SNTB2: variants seen among roughly 807,000 people sequenced by gnomAD.
SNTB2 encodes the protein syntrophin beta 2.
Under a neutral mutation model 46.2 loss-of-function variants are expected in SNTB2, and 34 were observed. That is an observed-to-expected ratio of 0.74 (90% confidence interval 0.56 to 0.98). SNTB2 has a LOEUF of 0.98. Among genes scored for constraint, SNTB2 ranks in the 50% least tolerant of loss-of-function variants. The probability of loss-of-function intolerance (pLI) is 0.00; values close to 1 mark genes in which losing one functional copy is unlikely to be tolerated. For missense variants in SNTB2, 603 were observed against 731.4 expected (o/e 0.82, Z 2.02); for synonymous variants, 290 against 312.6 (o/e 0.93, Z 0.76).
At chr16:69,251,386 G>C (rs1436846512) in intron 2 of SNTB2, among the ~76,000 whole-genome samples, 1 of 142,114 alleles carries the variant, frequency 7.0e-6, no homozygotes, top group Non-Finnish European at 1.5e-5. Context: ...TTTTTCTTCT[G>C]ATTTAAAGGC....
chr16:69,284,947 G>C (rs1965088082), intron 5 of SNTB2, among the ~76,000 whole-genome samples: 1 of 152,254 alleles, frequency 6.6e-6, no homozygotes, highest in Non-Finnish European at 1.5e-5. Context: ...TTGTGTTACA[G>C]CTGGCTACAG....
At chr16:69,207,610 C>T (rs1964237047) in intron 1 of SNTB2, among the ~76,000 whole-genome samples, 1 of 152,154 alleles carries the variant, frequency 6.6e-6, no homozygotes, top group Non-Finnish European at 1.5e-5. Context: ...TACATACCTT[C>T]AGAAAAGTGC....
intron 1 of SNTB2, among the ~76,000 whole-genome samples, chr16:69,239,719 T>A (rs2088756): frequency 0.33 from 50,248 of 151,764 alleles, 8,884 homozygotes; most frequent in African/African-American, 0.44. Context: ...TAATTTTTGT[T>A]TTTTTAGCAG....
chr16:69,270,321 A>T (rs1964925627), intron 4 of SNTB2, 36 bp downstream of exon 4: 2 of 1,611,266 alleles, frequency 1.2e-6, no homozygotes, highest in Non-Finnish European at 1.7e-6. Flanking sequence ...TAAAATATTT[A>T]TCCTACTCTA....
chr16:69,272,833 T>C (rs1964951113), intron 4 of SNTB2, among the ~76,000 whole-genome samples: 1 of 139,692 alleles, frequency 7.2e-6, no homozygotes, highest in Non-Finnish European at 1.5e-5. Context: ...GAGGTTGCAG[T>C]GAACTGATAT....
At position 69,248,631 on chromosome 16, in the gene SNTB2, C is replaced by CAAATA. The variant is rs534168979; in HGVS notation, c.794+2834_794+2838dup. On this transcript the variant is annotated intron_variant, in intron 2 of 6. Coordinates refer to ENST00000336278, the MANE Select transcript of SNTB2 (RefSeq NM_006750.4). Reference sequence around the variant, plus strand: ...TGGGTGACAGAACGAGACTCTGTCTCAAATAAAATAAAATAAAATAAATAA... The same window carrying CAAATA: ...TGGGTGACAGAACGAGACTCTGTCTCAAATAAAATAAAATAAAATAAAATAAATAA... Among the ~76,000 whole-genome samples, 540 of 152,034 alleles carry CAAATA rather than the reference C, an allele frequency of 3.6e-3. 4 individuals are homozygous for CAAATA. The highest frequency in any genetic ancestry group is 0.011 in the African/African-American group (445 of 41,444).
In SNTB2 at chr16:69,300,932, A is replaced by C. The variant is rs1965272846; in HGVS notation, c.*8A>C. The C allele has an allele frequency of 6.4e-7, 1 of 1,567,306 alleles. No homozygotes were observed. The highest frequency in any genetic ancestry group is 1.7e-5 in the Admixed American group (1 of 59,292). ...ATGGGACTGCTTGTATGAGCAACAA[A>C]AAATCAGAAAAGAGCCTTGACTGTC... On this transcript the variant is annotated 3_prime_UTR_variant, in exon 7 of 7. Coordinates refer to ENST00000336278, the MANE Select transcript of SNTB2 (RefSeq NM_006750.4).
intron 1 of SNTB2, among the ~76,000 whole-genome samples, chr16:69,206,494 C>A (rs1046688797): frequency 6.6e-6 from 1 of 151,800 alleles, no homozygotes; most frequent in Non-Finnish European, 1.5e-5. Context: ...GAGTTCGAGA[C>A]CAGCCTGACC....
At position 69,223,341 on chromosome 16, in the gene SNTB2, C is replaced by T. The variant is rs778369471; in HGVS notation, c.581-22261C>T. ...CCAAGTAGCTGAGATTACAGGCGCC[C>T]CAGCCACCACGCCTGGCTAATTTTT... On this transcript the variant is annotated intron_variant, in intron 1 of 6. Coordinates refer to ENST00000336278, the MANE Select transcript of SNTB2 (RefSeq NM_006750.4). Among the ~76,000 whole-genome samples, 6 of 151,440 alleles carry T rather than the reference C, an allele frequency of 4.0e-5. No homozygotes were observed. In the East Asian group the frequency reaches 7.9e-4, roughly 20 times the overall value.
At chr16:69,251,821 C>G (rs1490771337) in intron 2 of SNTB2, among the ~76,000 whole-genome samples, 2 of 151,450 alleles carry the variant, frequency 1.3e-5, no homozygotes, top group African/African-American at 2.4e-5. Flanking sequence ...CACAGTGGTT[C>G]ATGCCTGTAA....
intron 1 of SNTB2, among the ~76,000 whole-genome samples, chr16:69,226,403 C>T (rs931754159): frequency 5.9e-4 from 89 of 149,840 alleles, no homozygotes; most frequent in African/African-American, 2.0e-3. Context: ...AAAAAAAAAA[C>T]TTTGTTTCCT....
At chr16:69,259,794 G>T (rs1964817504) in intron 2 of SNTB2, among the ~76,000 whole-genome samples, 1 of 150,520 alleles carries the variant, frequency 6.6e-6, no homozygotes. Flanking sequence ...TATATTAGCA[G>T]AGACAGAGTT....
chr16:69,260,343 T>TA, intron 3 of SNTB2, 83 bp downstream of exon 3: 2 of 1,265,440 alleles, frequency 1.6e-6, no homozygotes, highest in Non-Finnish European at 2.3e-6. Context: ...CTGTAATACT[T>TA]ACCATGCAGT....
chr16:69,249,599 G>A lies in SNTB2; in HGVS notation c.794+3784G>A, dbSNP rs564767475. Among the ~76,000 whole-genome samples the A allele has an allele frequency of 2.0e-5, 3 of 152,250 alleles. No individual in the cohort carries two copies. In the South Asian group the frequency reaches 6.2e-4, roughly 32 times the overall value. On this transcript the variant is annotated intron_variant, in intron 2 of 6. Transcript: ENST00000336278. ...TTATACACTAAAGACATTTCGTGAT[G>A]GTCAGATGTGAAATAGATTTTCAGA...
chr16:69,274,652 CAAAAAA>C (rs758148568), intron 4 of SNTB2, among the ~76,000 whole-genome samples: 1 of 66,762 alleles, frequency 1.5e-5, no homozygotes, highest in African/African-American at 5.8e-5. Context: ...GACTCCATCT[CAAAAAA>C]AAAAAAAAAA....
intron 1 of SNTB2, among the ~76,000 whole-genome samples, chr16:69,208,270 G>T (rs943622553): frequency 6.6e-6 from 1 of 151,946 alleles, no homozygotes; most frequent in African/African-American, 2.4e-5. Flanking sequence ...GCCGGACATG[G>T]TGGTGCATGT....
At chr16:69,291,269 C>T (rs1182841180) in intron 5 of SNTB2, among the ~76,000 whole-genome samples, 1 of 152,194 alleles carries the variant, frequency 6.6e-6, no homozygotes, top group East Asian at 1.9e-4. Flanking sequence ...AGTCCTATGG[C>T]TGCTAGAGAG....
In SNTB2 at chr16:69,261,227, A is replaced by G. The variant is rs193209479; in HGVS notation, c.1005+967A>G. On this transcript the variant is annotated intron_variant, in intron 3 of 6. Transcript: ENST00000336278. ...AAAAAGCAGAATCAGCACAGGAAGG[A>G]TTTTGTTCTTTCATTTTTGATTTTT... Among the ~76,000 whole-genome samples the G allele has an allele frequency of 4.5e-3, 679 of 151,220 alleles. 7 individuals carry two copies. Among genetic ancestry groups the G allele is most frequent in the Non-Finnish European group, 3.8e-3 (260 of 67,784 alleles).
In SNTB2 at chr16:69,259,160, C is replaced by T. The variant is rs114349672; in HGVS notation, c.795-890C>T. On this transcript the variant is annotated intron_variant, in intron 2 of 6. Transcript: ENST00000336278. ...TCAGCTTATTACATTAACACCGAAACGACAGATCCAGCAGTTGGTGTTTCT... is the reference window on the plus strand; with the variant it reads ...TCAGCTTATTACATTAACACCGAAATGACAGATCCAGCAGTTGGTGTTTCT... 9.5e-3 allele frequency among the ~76,000 whole-genome samples: 1,430 copies of T among 151,040 alleles called. 18 individuals are homozygous for T. The highest frequency in any genetic ancestry group is 0.025 in the African/African-American group (1,039 of 41,144).
Sources: gnomAD v4.1 joint callset for allele counts (sites outside exome capture counted in the v4.1 genomes callset) on GRCh38, gnomAD v4.1.1 for gene constraint, MANE v1.5 for transcripts, NCBI Gene and HGNC (gene_info 2026-07-23, HGNC 2026-07-21) for gene names.